The following ITPR1 variants were observed in gnomAD, a reference collection of about 807,000 sequenced individuals.
The protein encoded by ITPR1 is inositol 1,4,5-trisphosphate receptor type 1, also known as inositol 1,4,5-trisphosphate-gated calcium channel ITPR1.
In ITPR1, 96 loss-of-function variants were observed where a neutral mutation model predicts 318.4. The ratio of observed to expected loss-of-function variants is 0.30; its 90% CI spans 0.26 to 0.36. ITPR1 has a LOEUF of 0.36. ITPR1 is among the 10% of genes least tolerant of loss of function. ITPR1 has a pLI of 1.00. For missense variants in ITPR1, 2,440 were observed against 3,460.2 expected, an observed-to-expected ratio of 0.71 and a Z score of 7.40; for synonymous variants, 1,312 against 1,289.9, an observed-to-expected ratio of 1.02 and a Z score of -0.37.
chr3:4,789,109 C>A (rs1308948173), intron 52 of ITPR1, among the ~76,000 whole-genome samples: 1 of 152,200 alleles, frequency 6.6e-6, no homozygotes, highest in South Asian at 2.1e-4. Context: ...AGGTCCCATT[C>A]CCACCTCACT....
chr3:4,499,312 T>C (rs951495829), intron 2 of ITPR1, among the ~76,000 whole-genome samples: 2 of 152,210 alleles, frequency 1.3e-5, no homozygotes, highest in African/African-American at 4.8e-5. Flanking sequence ...TACGTATATA[T>C]TTAAATTTCA....
intron 60 of ITPR1, chr3:4,825,865 GCAGAT>G (rs1485065582): frequency 1.1e-5 from 5 of 453,696 alleles, no homozygotes; most frequent in Non-Finnish European, 2.2e-5. Flanking sequence ...AGAGTTTCCT[GCAGAT>G]CATGATTAGA....
intron 51 of ITPR1, among the ~76,000 whole-genome samples, chr3:4,786,528 T>C (rs1050222045): frequency 3.9e-5 from 6 of 152,234 alleles, no homozygotes; most frequent in South Asian, 2.1e-4. Flanking sequence ...GCTCTTCTTG[T>C]AGAGCACGTT....
At chr3:4,700,660 AG>A (rs1207694936) in intron 35 of ITPR1, among the ~76,000 whole-genome samples, 1 of 152,184 alleles carries the variant, frequency 6.6e-6, no homozygotes, top group Non-Finnish European at 1.5e-5. Context: ...GCAGATGGTG[AG>A]CCATCGTGTC....
intron 40 of ITPR1, among the ~76,000 whole-genome samples, chr3:4,720,149 C>T (rs763393908): frequency 3.9e-5 from 6 of 152,212 alleles, no homozygotes; most frequent in Non-Finnish European, 8.8e-5. Flanking sequence ...GTGCCTGTTA[C>T]GTCCAGGGGG....
intron 60 of ITPR1, 53 bp downstream of exon 60, chr3:4,818,295 T>C: frequency 7.1e-7 from 1 of 1,417,998 alleles, no homozygotes; most frequent in South Asian, 1.5e-5. Flanking sequence ...TACTCAGCTC[T>C]GAGCAAGGCC....
chr3:4,707,177 T>G (rs2094776151), intron 37 of ITPR1, among the ~76,000 whole-genome samples: 1 of 152,252 alleles, frequency 6.6e-6, no homozygotes, highest in Non-Finnish European at 1.5e-5. Context: ...TTAAGAGAGT[T>G]GATAATATGT....
At chr3:4,695,429 A>G (rs2094542307) in intron 33 of ITPR1, among the ~76,000 whole-genome samples, 1 of 152,198 alleles carries the variant, frequency 6.6e-6, no homozygotes, top group Non-Finnish European at 1.5e-5. Flanking sequence ...AAGTGCAAAA[A>G]AGTACATAAA....
intron 46 of ITPR1, among the ~76,000 whole-genome samples, chr3:4,770,116 G>A (rs898966741): frequency 2.0e-5 from 3 of 152,212 alleles, no homozygotes; most frequent in Admixed American, 6.5e-5. Flanking sequence ...CTTGGGTTAT[G>A]AGGGTATGGA....
At chr3:4,838,974 CTT>C (rs1449254816) in intron 61 of ITPR1, among the ~76,000 whole-genome samples, 1 of 152,216 alleles carries the variant, frequency 6.6e-6, no homozygotes, top group African/African-American at 2.4e-5. Flanking sequence ...TCAGTGCACA[CTT>C]TACAAACCAT....
At chr3:4,814,294 G>C (rs2049138253) in intron 57 of ITPR1, 129 bp from the exon 58 acceptor site, 3 of 1,021,856 alleles carry the variant, frequency 2.9e-6, no homozygotes, top group African/African-American at 1.6e-5. Flanking sequence ...GAAAATTCTT[G>C]GCTCTTGATT....
Position 4,665,203 on chromosome 3 carries a change from G to T in ITPR1, c.1620G>T (p.Glu540Asp). 1 of 1,613,998 alleles carries T rather than the reference G, an allele frequency of 6.2e-7. No homozygotes were observed. Among genetic ancestry groups the T allele is most frequent in the Non-Finnish European group, 8.5e-7 (1 of 1,179,866 alleles). The change falls in exon 17 of 62, where the codon GAG becomes GAT. Residue 540 changes from glutamate to aspartate, a missense_variant. By Grantham distance (45) the Glu-to-Asp change is conservative. Transcript: ENST00000649015. ...ATGGCCCAATGCTTCGGCTGGAAGA[G>T]CTCGGGGACCAGCGGCACGCTCCTT... Reference protein sequence around the residue: ...CGDGPMLRLEELGDQRHAPFR... With the variant: ...CGDGPMLRLEDLGDQRHAPFR...
rs192377834 is a variant in ITPR1 at position 4,686,229 on chromosome 3, C to G, written c.3702+1023C>G. 3.2e-3 allele frequency among the ~76,000 whole-genome samples: 487 copies of G among 152,272 alleles called. 3 individuals are homozygous for G. The highest frequency in any genetic ancestry group is 0.011 in the African/African-American group (462 of 41,550). On this transcript the variant is annotated intron_variant, in intron 30 of 61. Transcript: ENST00000649015. ...GTGGATCTGGGGCCTGCTGCCTTCC[C>G]TATGCCTGTCGCCTTCTACTCCAGG...
At chr3:4,520,770 AC>A (rs1353451673) in intron 3 of ITPR1, among the ~76,000 whole-genome samples, 4 of 152,222 alleles carry the variant, frequency 2.6e-5, no homozygotes, top group Admixed American at 6.5e-5. Flanking sequence ...ACTCAGATCT[AC>A]CATGGACATG....
At chr3:4,578,729 G>A (rs1308065609) in intron 4 of ITPR1, among the ~76,000 whole-genome samples, 1 of 152,188 alleles carries the variant, frequency 6.6e-6, no homozygotes, top group African/African-American at 2.4e-5. Context: ...GCCATACTGA[G>A]TTTCCAAGGA....
In ITPR1 at chr3:4,675,191, A is replaced by G; in HGVS notation, c.2722A>G (p.Ser908Gly). Reference sequence around the variant, plus strand: ...ACATGTGACAACAATCTTCCCCATTAGCAAGATGGCGAAAGGAGAAGAGAA... The same window carrying G: ...ACATGTGACAACAATCTTCCCCATTGGCAAGATGGCGAAAGGAGAAGAGAA... The part of the protein sequence containing the change: ...CVHVTTIFPI[S>G]KMAKGEENKG... The change falls in exon 23 of 62, where the codon AGC becomes GGC. Residue 908 changes from serine to glycine, a missense_variant. Physicochemically the swap from Ser to Gly is moderately conservative, Grantham distance 56. Transcript: ENST00000649015. The G allele has an allele frequency of 6.2e-7, 1 of 1,612,636 alleles. No homozygotes were observed. The highest frequency in any genetic ancestry group is 1.7e-5 in the Admixed American group (1 of 59,828).
At chr3:4,540,111 T>A (rs2124972845) in intron 4 of ITPR1, among the ~76,000 whole-genome samples, 1 of 152,264 alleles carries the variant, frequency 6.6e-6, no homozygotes, top group South Asian at 2.1e-4. Flanking sequence ...TTAAGTTTTT[T>A]AAAAAGGTTT....
chr3:4,570,550 A>G (rs2087864346), intron 4 of ITPR1, among the ~76,000 whole-genome samples: 1 of 152,256 alleles, frequency 6.6e-6, no homozygotes, highest in Non-Finnish European at 1.5e-5. Flanking sequence ...CAAATCATGA[A>G]TAGGAGAATC....
intron 60 of ITPR1, among the ~76,000 whole-genome samples, chr3:4,831,573 TAC>T (rs374509872): frequency 2.0e-5 from 3 of 150,600 alleles, no homozygotes; most frequent in Non-Finnish European, 4.4e-5. Context: ...CAACCGCATA[TAC>T]ACACACACAC....
Sources: allele counts gnomAD v4.1 joint callset (sites outside exome capture counted in the v4.1 genomes callset), GRCh38; gene constraint gnomAD v4.1.1; transcripts MANE v1.5; gene names NCBI Gene and HGNC (gene_info 2026-07-23, HGNC 2026-07-21).